Variants in CLASRP observed in about 807,000 individuals in gnomAD.
CLASRP encodes the protein CLK4 associating serine/arginine rich protein.
In CLASRP, 52 loss-of-function variants were observed where a neutral mutation model predicts 99.9. The observed-to-expected ratio is 0.52, with a 90% confidence interval of 0.42 to 0.66. The LOEUF is 0.66. Among genes scored for constraint, CLASRP ranks in the 30% least tolerant of loss-of-function variants. CLASRP has a pLI of 0.00. For synonymous variants in CLASRP, 379 were observed against 373.0 expected, an observed-to-expected ratio of 1.02 and a Z score of -0.18; for missense variants, 848 against 999.2, an observed-to-expected ratio of 0.85 and a Z score of 2.04.
At chr19:45,065,496 G>A (rs1052134890) in intron 13 of CLASRP, among the ~76,000 whole-genome samples, 1 of 152,038 alleles carries the variant, frequency 6.6e-6, no homozygotes, top group Non-Finnish European at 1.5e-5. Context: ...CGCAGGCGGA[G>A]GTTGCAGTGA....
rs1431358625 is a variant in CLASRP at position 45,064,452 on chromosome 19, TC to T, written c.1233del (p.Gly412AlafsTer97). ...TCGCCGTGGTGGGGGCTACTACCGT[TC>T]CGGCCGCCACGCCCGCTCCCGGTCC... The part of the protein sequence containing the change: ...RSRRGGGYYR[S>X]GRHARSRSRS... On this transcript the variant is annotated frameshift_variant, in exon 13 of 21. Coordinates refer to ENST00000221455, the MANE Select transcript of CLASRP (RefSeq NM_007056.3). LOFTEE classifies it high-confidence loss of function. 6.5e-7 allele frequency: 1 copy of T among 1,527,144 alleles called. No homozygotes were observed. The highest frequency in any genetic ancestry group is 8.8e-7 in the Non-Finnish European group (1 of 1,139,278). 94.6% of individuals were successfully genotyped at this position (1,527,144 alleles called of 1,614,324 possible).
chr19:45,066,793 G>C (rs3786509), intron 13 of CLASRP, among the ~76,000 whole-genome samples: 80,843 of 151,662 alleles, frequency 0.53, 22,026 homozygotes, highest in African/African-American at 0.64. Context: ...AGAGTGGGCA[G>C]TGGGTGGAGA....
chr19:45,060,166 G>A lies in CLASRP; in HGVS notation c.711-223G>A, dbSNP rs531887318. Reference sequence around the variant, plus strand: ...ATCTTCTCCCCTAGAATGTAAGCCCGTGCAGGTGAGGATTTCTGTTTTTTT... The same window carrying A: ...ATCTTCTCCCCTAGAATGTAAGCCCATGCAGGTGAGGATTTCTGTTTTTTT... On this transcript the variant is annotated intron_variant, in intron 8 of 20. Coordinates refer to ENST00000221455, the MANE Select transcript of CLASRP (RefSeq NM_007056.3). This position sits in a 1 kb window ranked among gnomAD's most constrained non-coding sequence, Gnocchi z 4.6. Among the ~76,000 whole-genome samples the A allele has an allele frequency of 6.6e-5, 10 of 151,964 alleles. No homozygotes were observed. Among genetic ancestry groups the A allele is most frequent in the African/African-American group, 2.4e-4 (10 of 41,442 alleles).
intron 11 of CLASRP, among the ~76,000 whole-genome samples, chr19:45,062,919 C>A (rs905478272): frequency 6.6e-6 from 1 of 152,028 alleles, no homozygotes; most frequent in African/African-American, 2.4e-5. Context: ...TTGTGAGGGA[C>A]CAAGCTCAGT....
chr19:45,059,178 G>A (rs995931859), intron 7 of CLASRP, 90 bp from the exon 8 acceptor site: 14 of 1,037,876 alleles, frequency 1.3e-5, no homozygotes, highest in East Asian at 7.8e-5. Context: ...TCTGGCGGGC[G>A]CCCCATCATC....
At position 45,052,861 on chromosome 19, in the gene CLASRP, C is replaced by A. The variant is rs747068406; in HGVS notation, c.268C>A (p.Pro90Thr). The A allele has an allele frequency of 6.2e-6, 10 of 1,611,946 alleles. No homozygotes were observed. Among genetic ancestry groups the A allele is most frequent in the Non-Finnish European group, 7.6e-6 (9 of 1,179,198 alleles). Residue 90 changes from proline to threonine, a missense_variant, in exon 4 of 21, where the codon CCC becomes ACC. Coordinates refer to ENST00000221455, the MANE Select transcript of CLASRP (RefSeq NM_007056.3). ...FDVRAHLDHI[P>T]DYTPPLLTTI... ...TGTCCGTGCCCACCTGGACCACATC[C>A]CCGACTACACCCCCCCTCTGCTCAC...
chr19:45,044,325 G>A (rs12327831), intron 2 of CLASRP, among the ~76,000 whole-genome samples: 102,324 of 152,114 alleles, frequency 0.67, 35,334 homozygotes, highest in East Asian at 0.9. Context: ...AACGCTGTTG[G>A]GCAGTTCTGT....
rs7259931 is a variant in CLASRP, at chr19:45,057,774, C to T, written c.489C>T (p.Ile163=). The change falls in exon 7 of 21, where the codon ATC becomes ATT. Residue 163 remains isoleucine (I), a synonymous_variant. Transcript: ENST00000221455. The part of the protein sequence containing the change: ...KKKLAEKKAS[I]GYTYEDSTVA... The stretch of plus-strand genomic sequence containing the variant: ...GGCTGGCAGAGAAGAAGGCTTCCAT[C>T]GGTTATACCTACGAGGACAGCACGG... 1.1e-3 allele frequency: 1,723 copies of T among 1,613,982 alleles called. 34 individuals carry two copies. In the South Asian group the frequency reaches 0.018, roughly 16 times the overall value.
In CLASRP at chr19:45,068,314, C is replaced by A. The variant is rs2085922977; in HGVS notation, c.1708-106C>A. Reference sequence around the variant, plus strand: ...GCCCCTCCTCCCCACGTCGTTCTCCCCCCCCCACCCCCCCCCCGCACAAAG... The same window carrying A: ...GCCCCTCCTCCCCACGTCGTTCTCCACCCCCCACCCCCCCCCCGCACAAAG... On this transcript the variant is annotated intron_variant, in intron 15 of 20. Transcript: ENST00000221455. 13 of 628,836 alleles carry A rather than the reference C, an allele frequency of 2.1e-5. 1 individual carries two copies. The highest frequency in any genetic ancestry group is 3.4e-5 in the Non-Finnish European group (12 of 347,852). The allele number at this position is 628,836 out of a possible 1,614,324, so 39.0% of individuals were successfully genotyped here.
intron 1 of CLASRP, 65 bp from the exon 2 acceptor site, chr19:45,040,119 G>T: frequency 3.6e-6 from 3 of 827,516 alleles, no homozygotes; most frequent in East Asian, 2.7e-5. Context: ...CTTGTTAGAT[G>T]ACTTTGATTC....
At chr19:45,047,270 T>G (rs2122540332) in intron 2 of CLASRP, among the ~76,000 whole-genome samples, 1 of 152,078 alleles carries the variant, frequency 6.6e-6, no homozygotes, top group African/African-American at 2.4e-5. Flanking sequence ...AATAAGCCAG[T>G]CGCAAAAAGA....
chr19:45,070,130 G>T, intron 19 of CLASRP, 26 bp downstream of exon 19: 4 of 1,391,046 alleles, frequency 2.9e-6, no homozygotes, highest in Non-Finnish European at 4.1e-6. Context: ...AGGCTGCAGG[G>T]CTCTGGGGCT....
chr19:45,053,321 C>A, intron 5 of CLASRP, 144 bp downstream of exon 5: 1 of 726,828 alleles, frequency 1.4e-6, no homozygotes, highest in Non-Finnish European at 2.3e-6. Context: ...GATAGACTCA[C>A]TTTGCCTGCA....
In CLASRP at chr19:45,069,056, C is replaced by T; in HGVS notation, c.1769-10C>T. 1 of 1,612,946 alleles carries T rather than the reference C, an allele frequency of 6.2e-7. No individual in the cohort carries two copies. Among genetic ancestry groups the T allele is most frequent in the Non-Finnish European group, 8.5e-7 (1 of 1,179,372 alleles). On this transcript the variant is annotated splice_polypyrimidine_tract_variant and intron_variant, in intron 16 of 20. Coordinates refer to ENST00000221455, the MANE Select transcript of CLASRP (RefSeq NM_007056.3). ...GAACCCCTCAGCCACCCTGTTCTTT[C>T]TCTCTACAGTCAAGGCGGATAAGAA...
intron 8 of CLASRP, among the ~76,000 whole-genome samples, chr19:45,059,790 G>A (rs967640862): frequency 2.6e-5 from 4 of 152,214 alleles, no homozygotes; most frequent in African/African-American, 4.8e-5. Flanking sequence ...CAGAAACGGA[G>A]CCTGAGCATG....
chr19:45,061,477 T>C (rs1272760082), intron 10 of CLASRP, among the ~76,000 whole-genome samples: 2 of 151,972 alleles, frequency 1.3e-5, no homozygotes, highest in African/African-American at 2.4e-5. Flanking sequence ...CTTTTTTTTT[T>C]CTTCCCCCAG....
At chr19:45,039,914 C>G in intron 1 of CLASRP, 1 of 255,230 alleles carries the variant, frequency 3.9e-6, no homozygotes, top group Admixed American at 4.7e-5. Flanking sequence ...ATTCCCGACT[C>G]CAGCGCGTGG....
Position 45,067,332 on chromosome 19 carries a change from C to T in CLASRP, c.1410-5C>T. 1 of 1,503,328 alleles carries T rather than the reference C, an allele frequency of 6.7e-7. No homozygotes were observed. Among genetic ancestry groups the T allele is most frequent in the Non-Finnish European group, 8.8e-7 (1 of 1,130,268 alleles). 93.1% of individuals were successfully genotyped at this position (1,503,328 alleles called of 1,614,324 possible). On this transcript the variant is annotated splice_region_variant and splice_polypyrimidine_tract_variant and intron_variant, in intron 13 of 20. Transcript: ENST00000221455. The surrounding 1 kb of genome is among the most constrained non-coding windows in gnomAD (Gnocchi z 4.9). ...AGTCCTCCTCCCGCCCTGCTGCATC[C>T]CCAGGAGCCGCTCCCACTCAGGGGA...
chr19:45,062,062 C>G lies in CLASRP; in HGVS notation c.864-92C>G, dbSNP rs1035786411. On this transcript the variant is annotated intron_variant, in intron 10 of 20. Coordinates refer to ENST00000221455, the MANE Select transcript of CLASRP (RefSeq NM_007056.3). ...CCCCCTCACTGTGCCAGGTACCTAG[C>G]TTTGGGTCCTCAGGTTGGCGGGCTT... 2.9e-5 allele frequency: 24 copies of G among 832,628 alleles called. No individual in the cohort carries two copies. In the Middle Eastern group the frequency reaches 9.1e-4, roughly 32 times the overall value. The allele number at this position is 832,628 out of a possible 1,614,324, so 51.6% of individuals were successfully genotyped here.
Sources: gnomAD v4.1 joint callset for allele counts (sites outside exome capture counted in the v4.1 genomes callset) on GRCh38, gnomAD v4.1.1 for gene constraint, Gnocchi (gnomAD v3.1) non-coding constraint, MANE v1.5 for transcripts, NCBI Gene and HGNC (gene_info 2026-07-23, HGNC 2026-07-21) for gene names.